Variants in KCNMA1 observed in about 807,000 individuals in gnomAD.
The protein encoded by KCNMA1 is potassium calcium-activated channel subfamily M alpha 1.
In KCNMA1, 29 loss-of-function variants were observed where a neutral mutation model predicts 140.0. The observed-to-expected ratio is 0.21, with a 90% CI of 0.15 to 0.28. The LOEUF is 0.28. Ranked by LOEUF, KCNMA1 falls within the 10% of genes least tolerant of loss-of-function variation. KCNMA1 has a pLI of 1.00. For missense variants in KCNMA1, 880 were observed against 1,602.2 expected, an observed-to-expected ratio of 0.55 and a Z score of 7.70; for synonymous variants, 612 against 611.9, an observed-to-expected ratio of 1.00 and a Z score of 0.00.
At chr10:77,452,866 T>A (rs992717205) in intron 1 of KCNMA1, among the ~76,000 whole-genome samples, 2 of 152,184 alleles carry the variant, frequency 1.3e-5, no homozygotes, top group African/African-American at 4.8e-5. Flanking sequence ...TCTTGGATCC[T>A]CCCTAATCAA....
chr10:76,900,552 T>C (rs1458118039), intron 25 of KCNMA1, among the ~76,000 whole-genome samples: 2 of 152,068 alleles, frequency 1.3e-5, no homozygotes, highest in Admixed American at 6.5e-5. Flanking sequence ...TGTTACTAAA[T>C]AGTTAAAGGC....
At chr10:77,617,917 G>A (rs2673489) in intron 1 of KCNMA1, among the ~76,000 whole-genome samples, 85,069 of 151,888 alleles carry the variant, frequency 0.56, 25,091 homozygotes, top group African/African-American at 0.74. Flanking sequence ...CAGTCCAGGT[G>A]TTCTCCAAAT....
At chr10:76,969,220 T>C (rs17478773) in intron 20 of KCNMA1, among the ~76,000 whole-genome samples, 8,312 of 128,748 alleles carry the variant, frequency 0.065, 309 homozygotes, top group Admixed American at 0.14. Flanking sequence ...GAGGAAGCCA[T>C]AGTCAAGAAA....
At chr10:76,942,096 C>T (rs745543544) in intron 23 of KCNMA1, among the ~76,000 whole-genome samples, 5 of 152,268 alleles carry the variant, frequency 3.3e-5, no homozygotes, top group South Asian at 2.1e-4. Flanking sequence ...CTCAGCCTCC[C>T]GAGTAGCTGG....
intron 23 of KCNMA1, among the ~76,000 whole-genome samples, chr10:76,941,153 G>GGGAAGGGAAC (rs2062194782): frequency 1.1e-5 from 1 of 89,614 alleles, no homozygotes; most frequent in African/African-American, 3.9e-5. Context: ...GGGAAGGGAA[G>GGGAAGGGAAC]GGAGGGAAGG....
At chr10:77,064,431 C>T (rs1444379505) in intron 14 of KCNMA1, among the ~76,000 whole-genome samples, 5 of 152,104 alleles carry the variant, frequency 3.3e-5, no homozygotes, top group African/African-American at 4.8e-5. Context: ...TCAGAAGATC[C>T]GTTGACATTT....
chr10:77,266,354 TA>T (rs1347964826), intron 2 of KCNMA1, among the ~76,000 whole-genome samples: 1 of 152,128 alleles, frequency 6.6e-6, no homozygotes, highest in Non-Finnish European at 1.5e-5. Context: ...ATCTAAGACT[TA>T]GAGGGGAGAG....
At chr10:77,527,269 C>T (rs2056109772) in intron 1 of KCNMA1, among the ~76,000 whole-genome samples, 1 of 152,238 alleles carries the variant, frequency 6.6e-6, no homozygotes, top group Non-Finnish European at 1.5e-5. Flanking sequence ...CCCCAGAGGG[C>T]CTTCTCCCCA....
chr10:77,156,999 C>T (rs2098494244), intron 5 of KCNMA1, among the ~76,000 whole-genome samples: 2 of 152,218 alleles, frequency 1.3e-5, no homozygotes, highest in Non-Finnish European at 2.9e-5. Context: ...TAACCCTAGT[C>T]CTCCAGGGTG....
chr10:77,303,033 C>T (rs1482584197), intron 2 of KCNMA1, among the ~76,000 whole-genome samples: 1 of 152,126 alleles, frequency 6.6e-6, no homozygotes, highest in African/African-American at 2.4e-5. Context: ...TACCACTTGC[C>T]AGCTGTGTAG....
intron 5 of KCNMA1, among the ~76,000 whole-genome samples, chr10:77,171,386 CGTGTGTGTGTGTGCGTGTGTGT>C (rs1463350528): frequency 5.1e-5 from 7 of 137,154 alleles, no homozygotes; most frequent in African/African-American, 1.1e-4. Flanking sequence ...AGTACGTGTG[CGTGTGTGTGTGTGCGTGTGTGT>C]GTGTGTGTGT....
intron 1 of KCNMA1, among the ~76,000 whole-genome samples, chr10:77,504,228 C>T (rs1291033096): frequency 6.6e-6 from 1 of 152,206 alleles, no homozygotes; most frequent in East Asian, 1.9e-4. Flanking sequence ...GCCCATATGG[C>T]TTTATCTCTT....
At chr10:77,207,127 G>T (rs944264703) in intron 3 of KCNMA1, among the ~76,000 whole-genome samples, 1 of 151,974 alleles carries the variant, frequency 6.6e-6, no homozygotes, top group Non-Finnish European at 1.5e-5. Flanking sequence ...ACATTTTCTT[G>T]TCAATTTTTT....
At chr10:77,552,116 G>A (rs1280708112) in intron 1 of KCNMA1, among the ~76,000 whole-genome samples, 1 of 152,204 alleles carries the variant, frequency 6.6e-6, no homozygotes, top group African/African-American at 2.4e-5. Context: ...AGGCTGGGAA[G>A]CTAGATTGTA....
intron 5 of KCNMA1, among the ~76,000 whole-genome samples, chr10:77,126,160 A>G (rs987722646): frequency 2.0e-5 from 3 of 152,186 alleles, no homozygotes; most frequent in African/African-American, 7.2e-5. Flanking sequence ...TCTCTGAAAT[A>G]AATGATTTTC....
chr10:77,082,752 T>G (rs1463319504), intron 12 of KCNMA1, among the ~76,000 whole-genome samples: 1 of 152,222 alleles, frequency 6.6e-6, no homozygotes, highest in Non-Finnish European at 1.5e-5. Flanking sequence ...ACCCTCTCTC[T>G]GCAGCCTGGC....
intron 1 of KCNMA1, among the ~76,000 whole-genome samples, chr10:77,506,620 T>TGTGTGTGTGTGTGTGTG (rs1567212074): frequency 3.8e-5 from 4 of 104,186 alleles, no homozygotes; most frequent in African/African-American, 4.0e-5. Context: ...TGTGTGTGTG[T>TGTGTGTGTGTGTGTGTG]TAGAGAGGGA....
At chr10:77,358,305 A>G (rs1473122173) in intron 2 of KCNMA1, among the ~76,000 whole-genome samples, 4 of 152,168 alleles carry the variant, frequency 2.6e-5, no homozygotes, top group African/African-American at 7.2e-5. Flanking sequence ...TTTTTCTGCT[A>G]GTGGTCTTTG....
chr10:77,502,851 C>T (rs1037486616), intron 1 of KCNMA1, among the ~76,000 whole-genome samples: 1 of 152,150 alleles, frequency 6.6e-6, no homozygotes, highest in Non-Finnish European at 1.5e-5. Context: ...CAATAGATAC[C>T]GAACTGGAAG....
Sources: allele counts gnomAD v4.1 joint callset (sites outside exome capture counted in the v4.1 genomes callset), GRCh38; gene constraint gnomAD v4.1.1; transcripts MANE v1.5; gene names NCBI Gene and HGNC (gene_info 2026-07-23, HGNC 2026-07-21).